The following EXOC4 variants were observed in gnomAD, a reference collection of about 807,000 sequenced individuals.
The protein encoded by EXOC4 is exocyst complex component 4.
A neutral mutation model predicts 107.2 loss-of-function variants in EXOC4; 71 were observed. The ratio of observed to expected loss-of-function variants is 0.66; its 90% confidence interval spans 0.55 to 0.81. The LOEUF is 0.81. Among genes scored for constraint, EXOC4 ranks in the 30% least tolerant of loss-of-function variants. The pLI, the probability that EXOC4 is intolerant of heterozygous loss-of-function variation, is 0.00. For missense variants in EXOC4, 1,108 were observed against 1,189.6 expected, an observed-to-expected ratio of 0.93 and a Z score of 1.01; for synonymous variants, 456 against 441.2, an observed-to-expected ratio of 1.03 and a Z score of -0.42.
intron 17 of EXOC4, among the ~76,000 whole-genome samples, chr7:134,029,512 C>CTTTTA (rs1203609468): frequency 1.1e-4 from 16 of 151,258 alleles, no homozygotes; most frequent in Non-Finnish European, 2.4e-4. Flanking sequence ...TGATTGATTG[C>CTTTTA]TTTTATTTTA....
chr7:133,625,662 G>A (rs1802435813), intron 9 of EXOC4, among the ~76,000 whole-genome samples: 1 of 152,196 alleles, frequency 6.6e-6, no homozygotes, highest in Admixed American at 6.5e-5. Context: ...ACACTAAGAT[G>A]TTGTCATTCC....
At chr7:134,041,129 AG>A (rs1445385075) in intron 17 of EXOC4, among the ~76,000 whole-genome samples, 1 of 152,214 alleles carries the variant, frequency 6.6e-6, no homozygotes, top group Non-Finnish European at 1.5e-5. Context: ...ATCCTAAATA[AG>A]GGAGACTTTT....
intron 9 of EXOC4, among the ~76,000 whole-genome samples, chr7:133,494,452 A>G (rs1247451522): frequency 2.0e-5 from 3 of 152,366 alleles, no homozygotes; most frequent in Non-Finnish European, 4.4e-5. Context: ...AAGAGGACTG[A>G]TAAAAGCAAG....
chr7:133,413,278 G>C (rs953086862), intron 7 of EXOC4, among the ~76,000 whole-genome samples: 1 of 152,072 alleles, frequency 6.6e-6, no homozygotes, highest in Non-Finnish European at 1.5e-5. Flanking sequence ...TGGCAATTTG[G>C]TCATTTCAAA....
At chr7:133,913,602 G>A (rs1799743009) in intron 12 of EXOC4, among the ~76,000 whole-genome samples, 1 of 152,140 alleles carries the variant, frequency 6.6e-6, no homozygotes, top group Non-Finnish European at 1.5e-5. Flanking sequence ...ATAACAGGAT[G>A]GCTTGAATAG....
chr7:133,317,276 C>G lies in EXOC4; in HGVS notation c.657-8C>G. On this transcript the variant is annotated splice_region_variant and splice_polypyrimidine_tract_variant and intron_variant, in intron 4 of 17. Coordinates refer to ENST00000253861, the MANE Select transcript of EXOC4 (RefSeq NM_021807.4). ...AAAGTGGTAACTAGTGCTTCTTTTC[C>G]CGTTCAGCTCCCTCGTGAAAGATGC... is the stretch of plus-strand genomic sequence containing the variant. 1.2e-6 allele frequency: 2 copies of G among 1,601,800 alleles called. No homozygotes were observed.
intron 7 of EXOC4, among the ~76,000 whole-genome samples, chr7:133,411,337 T>A (rs1229345342): frequency 1.3e-5 from 2 of 152,168 alleles, no homozygotes; most frequent in African/African-American, 4.8e-5. Flanking sequence ...TAGTCAAATA[T>A]AAAGAAGTTG....
chr7:133,485,371 C>G (rs563126115), intron 9 of EXOC4, among the ~76,000 whole-genome samples: 1 of 151,842 alleles, frequency 6.6e-6, no homozygotes, highest in African/African-American at 2.4e-5. Flanking sequence ...TTGTCAAAAG[C>G]CTGTTGGAGT....
intron 5 of EXOC4, among the ~76,000 whole-genome samples, chr7:133,344,495 G>C (rs557113096): frequency 6.6e-6 from 1 of 152,036 alleles, no homozygotes; most frequent in Non-Finnish European, 1.5e-5. Flanking sequence ...TCTTTGTTTT[G>C]GTAGCATCGG....
intron 17 of EXOC4, among the ~76,000 whole-genome samples, chr7:134,015,057 C>T (rs1469852658): frequency 6.6e-5 from 10 of 152,026 alleles, no homozygotes; most frequent in Non-Finnish European, 1.3e-4. Flanking sequence ...AGGGTAGTTC[C>T]GGGGACTGGA....
intron 10 of EXOC4, among the ~76,000 whole-genome samples, chr7:133,812,324 C>T (rs1383816169): frequency 6.6e-6 from 1 of 152,168 alleles, no homozygotes. Flanking sequence ...TCAAAACAAT[C>T]TTGTGAGGTA....
chr7:133,853,255 CTGTTTCTTTCTT>C (rs1403808155), intron 11 of EXOC4, among the ~76,000 whole-genome samples: 2 of 151,928 alleles, frequency 1.3e-5, no homozygotes, highest in South Asian at 2.1e-4. Flanking sequence ...CTGTTACCAT[CTGTTTCTTTCTT>C]TGTTTCTTTC....
intron 10 of EXOC4, among the ~76,000 whole-genome samples, chr7:133,730,476 C>T (rs908728146): frequency 6.6e-6 from 1 of 152,046 alleles, no homozygotes; most frequent in Non-Finnish European, 1.5e-5. Context: ...GCCCTATCTG[C>T]TGAGCACAGT....
intron 5 of EXOC4, among the ~76,000 whole-genome samples, chr7:133,328,645 G>A (rs1003849463): frequency 6.6e-6 from 1 of 152,182 alleles, no homozygotes; most frequent in Non-Finnish European, 1.5e-5. Context: ...GCATTTGCTT[G>A]TGTGTAAAGG....
At chr7:133,777,496 T>G (rs1259276713) in intron 10 of EXOC4, among the ~76,000 whole-genome samples, 1 of 152,232 alleles carries the variant, frequency 6.6e-6, no homozygotes, top group Non-Finnish European at 1.5e-5. Context: ...GAGAAGTTGC[T>G]ACTCTAGAGC....
At chr7:133,594,597 G>T (rs529965241) in intron 9 of EXOC4, among the ~76,000 whole-genome samples, 110 of 143,402 alleles carry the variant, frequency 7.7e-4, no homozygotes, top group African/African-American at 2.6e-3. Context: ...TGGTTCAAGC[G>T]ATTCTCCTGC....
At chr7:133,964,505 T>C (rs1046784473) in intron 14 of EXOC4, among the ~76,000 whole-genome samples, 24 of 152,098 alleles carry the variant, frequency 1.6e-4, no homozygotes, top group African/African-American at 5.8e-4. Flanking sequence ...CAGGCCCCAG[T>C]GTGTGATGAT....
intron 17 of EXOC4, among the ~76,000 whole-genome samples, chr7:134,013,600 T>A (rs1794824815): frequency 6.6e-6 from 1 of 152,210 alleles, no homozygotes; most frequent in East Asian, 1.9e-4. Context: ...TAATGTAAGA[T>A]GTTAATAATA....
At chr7:133,753,816 A>T (rs1037408067) in intron 10 of EXOC4, among the ~76,000 whole-genome samples, 2 of 152,158 alleles carry the variant, frequency 1.3e-5, no homozygotes, top group African/African-American at 2.4e-5. Flanking sequence ...GGCCTGTTTT[A>T]CAGAGGACTC....
Sources: gnomAD v4.1 joint callset for allele counts (sites outside exome capture counted in the v4.1 genomes callset) on GRCh38, gnomAD v4.1.1 for gene constraint, MANE v1.5 for transcripts, NCBI Gene and HGNC (gene_info 2026-07-23, HGNC 2026-07-21) for gene names.